The following CYTH3 variants were observed in gnomAD, a reference collection of about 807,000 sequenced individuals.
The protein encoded by CYTH3 is cytohesin-3.
A neutral mutation model predicts 55.1 loss-of-function variants in CYTH3; 23 were observed. The ratio of observed to expected loss-of-function variants is 0.42; its 90% CI spans 0.30 to 0.59. The LOEUF (loss-of-function observed/expected upper bound fraction) is 0.59, where lower values mean the gene tolerates loss of function less well. Ranked by LOEUF, CYTH3 falls within the 20% of genes least tolerant of loss-of-function variation. The pLI is 0.20. For missense variants in CYTH3, 413 were observed against 524.8 expected (o/e 0.79, Z 2.08); for synonymous variants, 249 against 194.9 (o/e 1.28, Z -2.31).
intron 1 of CYTH3, among the ~76,000 whole-genome samples, chr7:6,243,849 G>C (rs572358025): frequency 4.6e-5 from 7 of 152,272 alleles, no homozygotes; most frequent in Admixed American, 2.6e-4. Context: ...TGGAGTCAGA[G>C]ATAATCTAGG....
intron 1 of CYTH3, among the ~76,000 whole-genome samples, chr7:6,234,477 C>T (rs1214408767): frequency 6.6e-6 from 1 of 152,190 alleles, no homozygotes; most frequent in Non-Finnish European, 1.5e-5. Context: ...CTGATGTCCC[C>T]AACTGAGGTT....
intron 1 of CYTH3, among the ~76,000 whole-genome samples, chr7:6,227,426 A>C (rs1779285240): frequency 1.3e-5 from 2 of 152,222 alleles, no homozygotes; most frequent in African/African-American, 4.8e-5. Flanking sequence ...GAAAAATAGC[A>C]TTTGATAAAA....
intron 1 of CYTH3, among the ~76,000 whole-genome samples, chr7:6,243,690 T>C (rs558573059): frequency 6.6e-6 from 1 of 152,332 alleles, no homozygotes; most frequent in African/African-American, 2.4e-5. Context: ...AATGACTTCC[T>C]AGAATATTCC....
intron 1 of CYTH3, among the ~76,000 whole-genome samples, chr7:6,234,475 C>G (rs924799818): frequency 6.6e-6 from 1 of 152,178 alleles, no homozygotes; most frequent in African/African-American, 2.4e-5. Flanking sequence ...TACTGATGTC[C>G]CCAACTGAGG....
At chr7:6,268,606 T>C (rs1348828960) in intron 1 of CYTH3, among the ~76,000 whole-genome samples, 1 of 152,246 alleles carries the variant, frequency 6.6e-6, no homozygotes. Flanking sequence ...TGCTTGCTGA[T>C]GGACACTCAA....
At position 6,177,687 on chromosome 7, in the gene CYTH3, G is replaced by C. The variant is rs181210006; in HGVS notation, c.368+136C>G. On this transcript the variant is annotated intron_variant, in intron 5 of 12. Transcript: ENST00000350796. The stretch of plus-strand genomic sequence containing the variant: ...CACTGGGCTCGCTTGGTATTGAGAC[G>C]GGCATGTGGATGCCCACAGCCCGTG... 2.9e-5 allele frequency: 20 copies of C among 678,500 alleles called. No homozygotes were observed. The Middle Eastern group carries it at 2.1e-3, about 72-fold the overall frequency. 42.0% of individuals were successfully genotyped at this position (678,500 alleles called of 1,614,324 possible).
In CYTH3 at chr7:6,176,741, C is replaced by T. The variant is rs568665615; in HGVS notation, c.368+1082G>A. On this transcript the variant is annotated intron_variant, in intron 5 of 12. Coordinates refer to ENST00000350796, the MANE Select transcript of CYTH3 (RefSeq NM_004227.4). ...TTCTTGTCTAACTGTCCTGGCAAGG[C>T]GTGCCAGCACCGGGCTGAACAGCAG... is the stretch of plus-strand genomic sequence containing the variant. Among the ~76,000 whole-genome samples, 41 of 152,268 alleles carry T rather than the reference C, an allele frequency of 2.7e-4. 1 individual carries two copies. The South Asian group carries it at 7.5e-3, about 28-fold the overall frequency.
intron 1 of CYTH3, among the ~76,000 whole-genome samples, chr7:6,235,751 C>A (rs991389801): frequency 1.1e-4 from 16 of 152,230 alleles, no homozygotes; most frequent in Non-Finnish European, 4.4e-5. Flanking sequence ...TCTTGGAAAT[C>A]AAGCAAATTA....
At chr7:6,184,139 C>G (rs1449001436) in intron 4 of CYTH3, among the ~76,000 whole-genome samples, 1 of 130,754 alleles carries the variant, frequency 7.6e-6, no homozygotes, top group Admixed American at 8.9e-5. Context: ...CGGCTTACTG[C>G]AAGCTCCACC....
chr7:6,244,755 C>T lies in CYTH3; in HGVS notation c.34+27719G>A, dbSNP rs549855403. 1.9e-4 allele frequency among the ~76,000 whole-genome samples: 29 copies of T among 152,124 alleles called. 1 individual carries two copies. The highest frequency in any genetic ancestry group is 5.9e-4 in the Admixed American group (9 of 15,280). On this transcript the variant is annotated intron_variant, in intron 1 of 12. Coordinates refer to ENST00000350796, the MANE Select transcript of CYTH3 (RefSeq NM_004227.4). ...AAGTTTCTTAAATGTTTTCAGTCAT[C>T]CTGGAGGAAAGACTGGATTATCTTT...
chr7:6,271,735 C>A (rs1469781816), intron 1 of CYTH3, among the ~76,000 whole-genome samples: 1 of 152,184 alleles, frequency 6.6e-6, no homozygotes, highest in Non-Finnish European at 1.5e-5. Context: ...GCGCATCGAC[C>A]CGACCCACTC....
intron 1 of CYTH3, among the ~76,000 whole-genome samples, chr7:6,256,524 C>G (rs192676996): frequency 7.2e-4 from 109 of 152,250 alleles, no homozygotes; most frequent in Middle Eastern, 3.4e-3. Flanking sequence ...CCGCTCTTCA[C>G]CAGAATCATA....
At chr7:6,220,204 G>A (rs549050295) in intron 1 of CYTH3, among the ~76,000 whole-genome samples, 1 of 152,204 alleles carries the variant, frequency 6.6e-6, no homozygotes, top group Admixed American at 6.5e-5. Context: ...GCCTAGCCAA[G>A]TGATTTTTGA....
intron 1 of CYTH3, among the ~76,000 whole-genome samples, chr7:6,193,661 A>C (rs990435178): frequency 1.1e-4 from 16 of 152,180 alleles, no homozygotes; most frequent in Admixed American, 9.8e-4. Context: ...GGGGCTGTGA[A>C]GGAGGGTCAA....
intron 1 of CYTH3, among the ~76,000 whole-genome samples, chr7:6,218,735 G>A (rs994401098): frequency 9.2e-5 from 14 of 152,262 alleles, no homozygotes; most frequent in Admixed American, 3.3e-4. Flanking sequence ...TGCCAGGCAC[G>A]GTGGCTCATG....
At chr7:6,175,776 A>G (rs1445037710) in intron 5 of CYTH3, among the ~76,000 whole-genome samples, 3 of 151,954 alleles carry the variant, frequency 2.0e-5, no homozygotes, top group Non-Finnish European at 4.4e-5. Flanking sequence ...TAAACTCCTG[A>G]CCTCAGGTGA....
rs1562875670 is a variant in CYTH3 at position 6,170,455 on chromosome 7, G to C, written c.823+80C>G. The C allele has an allele frequency of 1.5e-6, 2 of 1,333,624 alleles. No individual in the cohort carries two copies. Among genetic ancestry groups the C allele is most frequent in the Non-Finnish European group, 2.1e-6 (2 of 959,418 alleles). 82.6% of individuals were successfully genotyped at this position (1,333,624 alleles called of 1,614,324 possible). A position where few individuals can be genotyped will look rare whatever the true frequency, so the allele number is the denominator to read the frequency against. On this transcript the variant is annotated intron_variant, in intron 9 of 12. Transcript: ENST00000350796. The surrounding 1 kb of genome is among the most constrained non-coding windows in gnomAD (Gnocchi z 7.8). ...TGCCTGCGGTGGGGGGCATTCCTAC[G>C]ATGAGCCTGGGAGGAACCCGAGGGG...
chr7:6,211,279 G>A (rs1006145978), intron 1 of CYTH3, among the ~76,000 whole-genome samples: 2 of 152,182 alleles, frequency 1.3e-5, no homozygotes, highest in Non-Finnish European at 2.9e-5. Context: ...CTGCACAATC[G>A]CTTTCTATCA....
chr7:6,197,979 G>T (rs1037770900), intron 1 of CYTH3, among the ~76,000 whole-genome samples: 7 of 151,762 alleles, frequency 4.6e-5, no homozygotes, highest in African/African-American at 1.5e-4. Flanking sequence ...CCACAGTCCC[G>T]GGTACTCAAG....
Sources: allele counts gnomAD v4.1 joint callset (sites outside exome capture counted in the v4.1 genomes callset), GRCh38; gene constraint gnomAD v4.1.1; non-coding constraint Gnocchi (gnomAD v3.1); transcripts MANE v1.5; gene names NCBI Gene and HGNC (gene_info 2026-07-23, HGNC 2026-07-21).